ATP13A3: variants seen among roughly 807,000 people sequenced by gnomAD.
The protein encoded by ATP13A3 is polyamine-transporting ATPase 13A3.
In ATP13A3, 59 loss-of-function variants were observed where a neutral mutation model predicts 158.1. That is an observed-to-expected ratio of 0.37 (90% CI 0.30 to 0.46). The LOEUF (loss-of-function observed/expected upper bound fraction) is 0.46. Among genes scored for constraint, ATP13A3 ranks in the 20% least tolerant of loss-of-function variants. The pLI is 1.00. For synonymous variants in ATP13A3, 491 were observed against 504.3 expected (o/e 0.97, Z 0.35); for missense variants, 1,166 against 1,525.2 (o/e 0.76, Z 3.92).
chr3:194,473,246 T>C (rs1720386156), intron 2 of ATP13A3, among the ~76,000 whole-genome samples: 1 of 152,218 alleles, frequency 6.6e-6, no homozygotes, highest in East Asian at 1.9e-4. Context: ...CATTCATGTG[T>C]CTCAACAAAA....
At chr3:194,429,066 G>A (rs1452834577) in intron 27 of ATP13A3, 149 bp from the exon 28 acceptor site, 6 of 489,596 alleles carry the variant, frequency 1.2e-5, no homozygotes, top group Non-Finnish European at 2.2e-5. Context: ...AAGTGTCTCT[G>A]AAACTAAATA....
intron 33 of ATP13A3, among the ~76,000 whole-genome samples, chr3:194,410,834 C>T (rs745851786): frequency 1.1e-4 from 15 of 141,338 alleles, no homozygotes; most frequent in Non-Finnish European, 1.6e-4. Flanking sequence ...GAATACAATA[C>T]GAATATTTCA....
intron 20 of ATP13A3, among the ~76,000 whole-genome samples, chr3:194,434,663 T>C (rs183191605): frequency 3.3e-5 from 5 of 152,202 alleles, no homozygotes; most frequent in African/African-American, 1.2e-4. Context: ...ATGCCTGTAA[T>C]CCCACCACTT....
At chr3:194,470,766 G>T (rs12492763) in intron 2 of ATP13A3, among the ~76,000 whole-genome samples, 3,062 of 152,104 alleles carry the variant, frequency 0.02, 147 homozygotes, top group Admixed American at 0.12. Context: ...CACATTCAAG[G>T]TTAAGAATTT....
At chr3:194,449,657 A>G (rs377053591) in intron 11 of ATP13A3, among the ~76,000 whole-genome samples, 2 of 151,914 alleles carry the variant, frequency 1.3e-5, no homozygotes, top group East Asian at 1.9e-4. Flanking sequence ...ATCCTGGGTG[A>G]CAGAACAAGG....
Position 194,483,426 on chromosome 3 carries a change from C to CAAA in ATP13A3, c.-47+2365_-47+2367dup, listed in dbSNP as rs1228588078. On this transcript the variant is annotated intron_variant, in intron 2 of 33. Coordinates refer to ENST00000645319, the MANE Select transcript of ATP13A3 (RefSeq NM_001367549.1). Reference sequence around the variant, plus strand: ...GCAACACGGTGAAAACCCACCTCTACAAAAAAAAAAAAAACTAGCTGGGTG... The same window carrying CAAA: ...GCAACACGGTGAAAACCCACCTCTACAAAAAAAAAAAAAAAAACTAGCTGGGTG... Among the ~76,000 whole-genome samples the CAAA allele has an allele frequency of 6.7e-3, 810 of 120,370 alleles. 29 individuals are homozygous for CAAA. The highest frequency in any genetic ancestry group is 0.025 in the African/African-American group (757 of 30,638). The allele number at this position is 120,370 out of a possible 152,430, so 79.0% of individuals were successfully genotyped here.
chr3:194,404,449 A>T lies in ATP13A3; in HGVS notation c.*1470T>A, dbSNP rs1353758172. On this transcript the variant is annotated 3_prime_UTR_variant, in exon 34 of 34. Coordinates refer to ENST00000645319, the MANE Select transcript of ATP13A3 (RefSeq NM_001367549.1). ...ATTTGTAAATATATGTTGGGAAAAGAATGATCAGCTAGAAGTAGAAAGCAC... is the reference window on the plus strand; with the variant it reads ...ATTTGTAAATATATGTTGGGAAAAGTATGATCAGCTAGAAGTAGAAAGCAC... The T allele has an allele frequency of 1.5e-5, 3 of 195,878 alleles. 1 individual carries two copies. Among genetic ancestry groups the T allele is most frequent in the Non-Finnish European group, 3.1e-5 (3 of 95,518 alleles). 12.1% of individuals were successfully genotyped at this position (195,878 alleles called of 1,614,324 possible).
chr3:194,475,661 C>T (rs1720495147), intron 2 of ATP13A3, among the ~76,000 whole-genome samples: 2 of 152,146 alleles, frequency 1.3e-5, no homozygotes, highest in Admixed American at 1.3e-4. Flanking sequence ...AAAATGTTAA[C>T]TTTCTAACCT....
In ATP13A3 at chr3:194,478,611, T is replaced by G. The variant is rs556514391; in HGVS notation, c.-47+7183A>C. ...TGAGGAATAATTACAAATGGAGGTT[T>G]AGAAGGATAGGACAGGATCAGATTA... On this transcript the variant is annotated intron_variant, in intron 2 of 33. Coordinates refer to ENST00000645319, the MANE Select transcript of ATP13A3 (RefSeq NM_001367549.1). Among the ~76,000 whole-genome samples the G allele has an allele frequency of 2.6e-5, 4 of 152,276 alleles. No individual in the cohort carries two copies. In the East Asian group the frequency reaches 7.7e-4, roughly 29 times the overall value.
At chr3:194,481,091 C>CAA (rs1326120398) in intron 2 of ATP13A3, among the ~76,000 whole-genome samples, 1 of 152,052 alleles carries the variant, frequency 6.6e-6, no homozygotes, top group East Asian at 1.9e-4. Flanking sequence ...AATTTAGGCC[C>CAA]AAAGGCCCCA....
chr3:194,493,797 A>G (rs1721173099), intron 2 of ATP13A3, among the ~76,000 whole-genome samples: 1 of 152,154 alleles, frequency 6.6e-6, no homozygotes, highest in Admixed American at 6.5e-5. Context: ...ATCTCATTTA[A>G]TCATCACAAC....
intron 27 of ATP13A3, among the ~76,000 whole-genome samples, chr3:194,429,169 C>G (rs1342303350): frequency 6.6e-6 from 1 of 152,150 alleles, no homozygotes; most frequent in East Asian, 1.9e-4. Flanking sequence ...TGACTCACAC[C>G]TGTAATCCCA....
At chr3:194,469,285 C>T (rs1410255189) in intron 2 of ATP13A3, among the ~76,000 whole-genome samples, 1 of 152,036 alleles carries the variant, frequency 6.6e-6, no homozygotes, top group Non-Finnish European at 1.5e-5. Flanking sequence ...TAGTGAAACC[C>T]CATCTCTACT....
rs188876097 is a variant in ATP13A3 at position 194,447,796 on chromosome 3, G to C, written c.1308+56C>G. 53 of 1,430,458 alleles carry C rather than the reference G, an allele frequency of 3.7e-5. No individual in the cohort carries two copies. In the East Asian group the frequency reaches 1.1e-3, roughly 30 times the overall value. The allele number at this position is 1,430,458 out of a possible 1,614,324, so 88.6% of individuals were successfully genotyped here. A position where few individuals can be genotyped will look rare whatever the true frequency, so the allele number is the denominator to read the frequency against. On this transcript the variant is annotated intron_variant, in intron 13 of 33. Transcript: ENST00000645319. ...GTAGCCACATTTCAAATCCTCAATAGCTGCATATGATAAATAATTGAGGTT... is the reference window on the plus strand; with the variant it reads ...GTAGCCACATTTCAAATCCTCAATACCTGCATATGATAAATAATTGAGGTT...
chr3:194,462,176 T>C lies in ATP13A3; in HGVS notation c.15A>G (p.Glu5=), dbSNP rs1381401480. 1.2e-6 allele frequency: 2 copies of C among 1,614,082 alleles called. No homozygotes were observed. Among genetic ancestry groups the C allele is most frequent in the Non-Finnish European group, 8.5e-7 (1 of 1,179,934 alleles). The change falls in exon 3 of 34, where the codon GAA becomes GAG. Residue 5 remains glutamate, a synonymous_variant. Transcript: ENST00000645319. MDRE[E]RKTINQGQED... is the part of the protein sequence containing the mutation. ...CTTGACCCTGATTGATGGTCTTCCT[T>C]TCTTCCCTGTCCATACCTACAGTGG...
At chr3:194,446,838 A>G in intron 14 of ATP13A3, 89 bp downstream of exon 14, 1 of 1,286,302 alleles carries the variant, frequency 7.8e-7, no homozygotes, top group Non-Finnish European at 1.1e-6. Flanking sequence ...ATGTGTCCAA[A>G]TTTGTTGACA....
At chr3:194,429,179 A>C (rs1164291337) in intron 27 of ATP13A3, among the ~76,000 whole-genome samples, 1 of 152,188 alleles carries the variant, frequency 6.6e-6, no homozygotes, top group East Asian at 1.9e-4. Context: ...CTGTAATCCC[A>C]GCACTTTGGG....
At chr3:194,428,220 CAAAAAAA>C (rs1188178641) in intron 28 of ATP13A3, among the ~76,000 whole-genome samples, 1 of 57,972 alleles carries the variant, frequency 1.7e-5, no homozygotes, top group Non-Finnish European at 3.2e-5. Flanking sequence ...GACTCTGTCT[CAAAAAAA>C]AAAAAAAAAA....
chr3:194,408,043 C>T (rs1011033790), intron 33 of ATP13A3, among the ~76,000 whole-genome samples: 72 of 142,198 alleles, frequency 5.1e-4, no homozygotes, highest in African/African-American at 1.3e-3. Context: ...TTTTTTGAGA[C>T]GGAGTCTTGC....
Sources: allele counts gnomAD v4.1 joint callset (sites outside exome capture counted in the v4.1 genomes callset), GRCh38; gene constraint gnomAD v4.1.1; transcripts MANE v1.5; gene names NCBI Gene and HGNC (gene_info 2026-07-23, HGNC 2026-07-21).